The following ATRNL1 variants were observed in gnomAD, a reference collection of about 807,000 sequenced individuals.
ATRNL1 encodes attractin like 1.
A neutral mutation model predicts 182.7 loss-of-function variants in ATRNL1; 95 were observed. The ratio of observed to expected loss-of-function variants is 0.52; its 90% CI spans 0.44 to 0.62. The LOEUF (loss-of-function observed/expected upper bound fraction) is 0.62. Ranked by LOEUF, ATRNL1 falls within the 20% of genes least tolerant of loss-of-function variation. The pLI is 0.00. For missense variants in ATRNL1, 1,471 were observed against 1,679.5 expected (o/e 0.88, Z 2.17); for synonymous variants, 576 against 568.3 (o/e 1.01, Z -0.19).
intron 25 of ATRNL1, among the ~76,000 whole-genome samples, chr10:115,544,361 T>C (rs1554992989): frequency 2.0e-5 from 3 of 151,972 alleles, no homozygotes. Context: ...AATATCTGAG[T>C]CTGGATAAAT....
At chr10:115,293,651 A>G (rs935432332) in intron 15 of ATRNL1, among the ~76,000 whole-genome samples, 2 of 152,132 alleles carry the variant, frequency 1.3e-5, no homozygotes, top group African/African-American at 4.8e-5. Flanking sequence ...AGGCTAGTCT[A>G]TTGGTGATTA....
chr10:115,594,012 C>G (rs1856075948), intron 26 of ATRNL1, among the ~76,000 whole-genome samples: 1 of 151,944 alleles, frequency 6.6e-6, no homozygotes, highest in African/African-American at 2.4e-5. Context: ...ATTATTAGGT[C>G]AGTAAGATTT....
At chr10:115,654,549 A>G (rs1413679478) in intron 26 of ATRNL1, among the ~76,000 whole-genome samples, 1 of 152,060 alleles carries the variant, frequency 6.6e-6, no homozygotes, top group East Asian at 1.9e-4. Flanking sequence ...ACTAATTTAA[A>G]ATGTTACCTG....
At chr10:115,529,147 C>A (rs782372452) in intron 25 of ATRNL1, among the ~76,000 whole-genome samples, 8 of 151,910 alleles carry the variant, frequency 5.3e-5, no homozygotes, top group Non-Finnish European at 1.2e-4. Flanking sequence ...TTGCATTGCT[C>A]TAGACCTCTG....
chr10:115,572,701 T>G (rs1555003836), intron 26 of ATRNL1, among the ~76,000 whole-genome samples: 1 of 151,908 alleles, frequency 6.6e-6, no homozygotes, highest in Non-Finnish European at 1.5e-5. Flanking sequence ...CCAGAGAGAG[T>G]TCTGGGCTGA....
chr10:115,553,479 C>A (rs1448912995), intron 26 of ATRNL1, among the ~76,000 whole-genome samples: 4 of 151,214 alleles, frequency 2.6e-5, no homozygotes, highest in Non-Finnish European at 5.9e-5. Context: ...ATATTTCTCA[C>A]ATATTACACT....
At chr10:115,229,015 C>T (rs1554899338) in intron 9 of ATRNL1, among the ~76,000 whole-genome samples, 4 of 151,972 alleles carry the variant, frequency 2.6e-5, no homozygotes, top group East Asian at 1.9e-4. Context: ...GATCCACCCA[C>T]CTCGACCTCC....
chr10:115,145,139 G>T lies in ATRNL1; in HGVS notation c.830-14901G>T, dbSNP rs1455353197. Among the ~76,000 whole-genome samples, 4 of 152,126 alleles carry T rather than the reference G, an allele frequency of 2.6e-5. No individual in the cohort carries two copies. The East Asian group carries it at 7.7e-4, about 29-fold the overall frequency. On this transcript the variant is annotated intron_variant, in intron 5 of 28. Transcript: ENST00000355044. ...CAAAAATCTGGTCTTTAAAATTTTT[G>T]AAGTTAGTCTTTTCTAAGCATACAT...
intron 28 of ATRNL1, among the ~76,000 whole-genome samples, chr10:115,902,715 G>A (rs1952392971): frequency 6.6e-6 from 1 of 152,176 alleles, no homozygotes; most frequent in Non-Finnish European, 1.5e-5. Flanking sequence ...AATATTTGGA[G>A]GCAGTTCCTT....
At chr10:115,522,284 G>A (rs1239131029) in intron 25 of ATRNL1, among the ~76,000 whole-genome samples, 1 of 152,140 alleles carries the variant, frequency 6.6e-6, no homozygotes, top group Non-Finnish European at 1.5e-5. Flanking sequence ...TGTGCATCTG[G>A]TGAGGGTATC....
At chr10:115,555,738 C>A (rs1554996865) in intron 26 of ATRNL1, among the ~76,000 whole-genome samples, 1 of 151,854 alleles carries the variant, frequency 6.6e-6, no homozygotes, top group Non-Finnish European at 1.5e-5. Context: ...ATCACACATG[C>A]ACAAGCATAA....
intron 8 of ATRNL1, among the ~76,000 whole-genome samples, chr10:115,174,397 T>G (rs1554886352): frequency 6.6e-6 from 1 of 151,896 alleles, no homozygotes; most frequent in Non-Finnish European, 1.5e-5. Flanking sequence ...AGTACTTAAC[T>G]TAGTCTAAAG....
At chr10:115,440,398 G>A (rs1554965482) in intron 21 of ATRNL1, among the ~76,000 whole-genome samples, 1 of 151,452 alleles carries the variant, frequency 6.6e-6, no homozygotes, top group African/African-American at 2.4e-5. Context: ...CATGCACTAG[G>A]GTATAACAAT....
intron 26 of ATRNL1, among the ~76,000 whole-genome samples, chr10:115,578,970 C>A (rs928465509): frequency 2.0e-5 from 3 of 151,550 alleles, no homozygotes; most frequent in Middle Eastern, 3.2e-3. Context: ...GATCTCATTT[C>A]CAAAGCATTT....
chr10:115,161,625 G>A (rs1846788495), intron 6 of ATRNL1, among the ~76,000 whole-genome samples: 1 of 152,072 alleles, frequency 6.6e-6, no homozygotes, highest in South Asian at 2.1e-4. Context: ...ATTAAATGAT[G>A]AATATTATTT....
intron 21 of ATRNL1, among the ~76,000 whole-genome samples, chr10:115,436,221 A>T (rs1446663057): frequency 6.6e-6 from 1 of 152,146 alleles, no homozygotes; most frequent in South Asian, 2.1e-4. Context: ...ATAGATGACC[A>T]TTCATCATTG....
chr10:115,198,433 T>C (rs1848440007), intron 8 of ATRNL1, among the ~76,000 whole-genome samples: 1 of 152,194 alleles, frequency 6.6e-6, no homozygotes, highest in Non-Finnish European at 1.5e-5. Flanking sequence ...GATATATCAT[T>C]TGCAAGTGTA....
intron 27 of ATRNL1, among the ~76,000 whole-genome samples, chr10:115,821,873 A>G (rs1299451653): frequency 6.6e-6 from 1 of 152,228 alleles, no homozygotes; most frequent in Non-Finnish European, 1.5e-5. Flanking sequence ...TAGAGCAACA[A>G]GACAGAAAAT....
intron 27 of ATRNL1, among the ~76,000 whole-genome samples, chr10:115,831,543 C>T (rs1399563069): frequency 2.6e-5 from 4 of 152,026 alleles, no homozygotes; most frequent in South Asian, 2.1e-4. Context: ...GAGGGTGGAG[C>T]GGAGCGTGGA....
Sources: gnomAD v4.1 joint callset for allele counts (sites outside exome capture counted in the v4.1 genomes callset) on GRCh38, gnomAD v4.1.1 for gene constraint, MANE v1.5 for transcripts, NCBI Gene and HGNC (gene_info 2026-07-23, HGNC 2026-07-21) for gene names.